Variants in TCAF1 observed in about 807,000 individuals in gnomAD.
TCAF1 encodes the protein TRPM8 channel associated factor 1.
In TCAF1, 4 loss-of-function variants were observed where a neutral mutation model predicts 27.3. The observed-to-expected ratio is 0.15, with a 90% CI of 0.07 to 0.34. TCAF1 has a LOEUF of 0.34. Among genes scored for constraint, TCAF1 ranks in the 10% least tolerant of loss-of-function variants. TCAF1 has a pLI of 1.00. For missense variants in TCAF1, 257 were observed against 425.8 expected (o/e 0.60, Z 3.49); for synonymous variants, 105 against 167.1 (o/e 0.63, Z 2.87).
rs1812710759 is a variant in TCAF1 at position 143,876,362 on chromosome 7, A to C, written c.247T>G (p.Trp83Gly). 1 of 1,614,086 alleles carries C rather than the reference A, an allele frequency of 6.2e-7. No individual in the cohort carries two copies. The change falls in exon 2 of 9, where the codon TGG (tryptophan) becomes GGG (glycine). Residue 83 changes from tryptophan (W) to glycine (G), a missense_variant. Trp to Gly is a radical substitution (Grantham distance 184, BLOSUM62 -2). Coordinates refer to ENST00000479870, the MANE Select transcript of TCAF1 (RefSeq NM_014719.3). ...LTPFLLNAVG[W>G]LCSSPGAPIG... ...GGAGCCCCAGGGGAAGAGCAAAGCC[A>C]CCCCACTGCGTTCAGGAGAAAGGGC... is the stretch of plus-strand genomic sequence containing the variant.
At chr7:143,878,184 C>T (rs71528926) in intron 1 of TCAF1, among the ~76,000 whole-genome samples, 15,559 of 152,100 alleles carry the variant, frequency 0.1, 1,076 homozygotes, top group Non-Finnish European at 0.15. Flanking sequence ...TATGCATAAA[C>T]GTATATGTTT....
At chr7:143,886,862 T>C (rs2116837865) in intron 1 of TCAF1, among the ~76,000 whole-genome samples, 1 of 136,734 alleles carries the variant, frequency 7.3e-6, no homozygotes, top group African/African-American at 3.0e-5. Context: ...CAGGGAGTTT[T>C]TGTATTTTTT....
At chr7:143,884,081 T>C (rs1352038640) in intron 1 of TCAF1, among the ~76,000 whole-genome samples, 4 of 152,220 alleles carry the variant, frequency 2.6e-5, no homozygotes, top group African/African-American at 9.7e-5. Flanking sequence ...TTATAAGGCT[T>C]AAGTTAGGTG....
At chr7:143,882,330 GCT>G (rs1282737332) in intron 1 of TCAF1, 7 of 911,326 alleles carry the variant, frequency 7.7e-6, no homozygotes, top group Non-Finnish European at 9.2e-6. Flanking sequence ...CACAAGTAAT[GCT>G]CTGTCACCAG....
chr7:143,876,927 C>A (rs1812750821), intron 1 of TCAF1, among the ~76,000 whole-genome samples: 2 of 152,122 alleles, frequency 1.3e-5, no homozygotes, highest in South Asian at 4.1e-4. Context: ...GAAGTCCTAA[C>A]CCATAGGACT....
intron 1 of TCAF1, chr7:143,882,351 G>T: frequency 1.0e-6 from 1 of 978,796 alleles, no homozygotes; most frequent in South Asian, 4.7e-5. Flanking sequence ...AGCTACCCGC[G>T]ACCCTGCTCA....
intron 1 of TCAF1, among the ~76,000 whole-genome samples, chr7:143,896,349 A>C (rs1418578059): frequency 6.6e-6 from 1 of 152,022 alleles, no homozygotes; most frequent in Non-Finnish European, 1.5e-5. Context: ...TATGAAGCAA[A>C]AATATATACA....
At chr7:143,882,741 C>G in intron 1 of TCAF1, 3 of 985,638 alleles carry the variant, frequency 3.0e-6, no homozygotes, top group Non-Finnish European at 3.6e-6. Context: ...CTCACCAGGT[C>G]ACCCTGCGAT....
At chr7:143,880,556 C>T (rs1812957868) in intron 1 of TCAF1, among the ~76,000 whole-genome samples, 1 of 152,122 alleles carries the variant, frequency 6.6e-6, no homozygotes. Context: ...TGTATTGCTA[C>T]TACAATGAGA....
intron 1 of TCAF1, among the ~76,000 whole-genome samples, chr7:143,901,337 A>G (rs1316592164): frequency 6.6e-6 from 1 of 152,124 alleles, no homozygotes; most frequent in Non-Finnish European, 1.5e-5. Flanking sequence ...TGATTATCCA[A>G]TTGGCAAAGA....
intron 2 of TCAF1, among the ~76,000 whole-genome samples, chr7:143,870,632 A>T (rs1302958367): frequency 6.6e-6 from 1 of 151,742 alleles, no homozygotes; most frequent in South Asian, 2.1e-4. Flanking sequence ...CAGATGGTCT[A>T]TCTTCACGGT....
intron 1 of TCAF1, among the ~76,000 whole-genome samples, chr7:143,880,054 G>A (rs1812933402): frequency 6.6e-6 from 1 of 152,168 alleles, no homozygotes; most frequent in Non-Finnish European, 1.5e-5. Context: ...ACTATGATAT[G>A]CAGAACATGA....
At position 143,852,063 on chromosome 7, in the gene TCAF1, C is replaced by T. The variant is rs544190021; in HGVS notation, c.*2070G>A. ...AAGCTAGGATATTTTCTTCCCTACA[C>T]ACCCAATATCATCATGCCTGTGCCA... On this transcript the variant is annotated 3_prime_UTR_variant, in exon 9 of 9. Transcript: ENST00000479870. The T allele has an allele frequency of 6.6e-6, 1 of 151,944 alleles. No homozygotes were observed. The highest frequency in any genetic ancestry group is 2.1e-4 in the South Asian group (1 of 4,814). 9.4% of individuals were successfully genotyped at this position (151,944 alleles called of 1,614,324 possible).
chr7:143,901,670 G>A (rs1230691226), intron 1 of TCAF1, among the ~76,000 whole-genome samples: 1 of 152,202 alleles, frequency 6.6e-6, no homozygotes, highest in Non-Finnish European at 1.5e-5. Flanking sequence ...TCGCCTCGAG[G>A]GTTCCTGCTA....
At chr7:143,874,842 C>T (rs1197180394) in intron 2 of TCAF1, among the ~76,000 whole-genome samples, 2 of 152,126 alleles carry the variant, frequency 1.3e-5, no homozygotes, top group Non-Finnish European at 2.9e-5. Flanking sequence ...GCCCCTAATT[C>T]TCAGATCTTT....
At chr7:143,885,469 T>G in intron 1 of TCAF1, 1 of 985,384 alleles carries the variant, frequency 1.0e-6, no homozygotes, top group Non-Finnish European at 1.2e-6. Context: ...TGTGTCAGTT[T>G]CTACCCCAAG....
intron 1 of TCAF1, chr7:143,885,422 G>C (rs1024439367): frequency 2.6e-5 from 26 of 985,352 alleles, no homozygotes; most frequent in Non-Finnish European, 3.0e-5. Context: ...TGGAGGCGGA[G>C]CTTGGCCGCC....
At chr7:143,875,839 A>C (rs549412201) in intron 2 of TCAF1, 150 bp downstream of exon 2, 18 of 619,448 alleles carry the variant, frequency 2.9e-5, no homozygotes, top group Middle Eastern at 4.2e-4. Context: ...CCTATGTCTC[A>C]GGGCATTTAA....
At chr7:143,893,775 G>C (rs1813755342) in intron 1 of TCAF1, among the ~76,000 whole-genome samples, 1 of 151,392 alleles carries the variant, frequency 6.6e-6, no homozygotes, top group South Asian at 2.1e-4. Context: ...CTTAATAAAG[G>C]AATTACTTAA....
Sources: gnomAD v4.1 joint callset for allele counts (sites outside exome capture counted in the v4.1 genomes callset) on GRCh38, gnomAD v4.1.1 for gene constraint, MANE v1.5 for transcripts, NCBI Gene and HGNC (gene_info 2026-07-23, HGNC 2026-07-21) for gene names.